The following WDR26 variants were observed in gnomAD, a reference collection of about 807,000 sequenced individuals.
The protein encoded by WDR26 is WD repeat domain 26, also known as WD repeat-containing protein 26.
A neutral mutation model predicts 84.1 loss-of-function variants in WDR26; 5 were observed. That is an observed-to-expected ratio of 0.06 (90% CI 0.03 to 0.13). The LOEUF is 0.13. Among genes scored for constraint, WDR26 ranks in the 10% least tolerant of loss-of-function variants. WDR26 has a pLI of 1.00. For synonymous variants in WDR26, 415 were observed against 389.6 expected, an observed-to-expected ratio of 1.07 and a Z score of -0.77; for missense variants, 642 against 974.9, an observed-to-expected ratio of 0.66 and a Z score of 4.55.
rs769063024 is a variant in WDR26 at position 224,427,103 on chromosome 1, C to CTAAA, written c.928-2450_928-2449insTTTA. 2.2e-5 allele frequency among the ~76,000 whole-genome samples: 2 copies of CTAAA among 91,156 alleles called. 1 individual carries two copies. Among genetic ancestry groups the CTAAA allele is most frequent in the Non-Finnish European group, 4.2e-5 (2 of 47,868 alleles). 59.8% of individuals were successfully genotyped at this position (91,156 alleles called of 152,430 possible). A position where few individuals can be genotyped will look rare whatever the true frequency, so the allele number is the denominator to read the frequency against. On this transcript the variant is annotated intron_variant, in intron 3 of 13. Coordinates refer to ENST00000414423, the MANE Select transcript of WDR26 (RefSeq NM_001379403.1). ...GGGCAACGAGAGCAAAACTCTGTCT[C>CTAAA]CAAAAAAAAAAAAAAAAAAAAAAAG...
intron 12 of WDR26, among the ~76,000 whole-genome samples, chr1:224,395,285 G>A (rs1345716170): frequency 1.3e-5 from 2 of 152,192 alleles, no homozygotes; most frequent in Admixed American, 1.3e-4. Flanking sequence ...ATTAAGTACA[G>A]GTGATGGTTC....
In WDR26 at chr1:224,385,433, C is replaced by G. The variant is rs905388910; in HGVS notation, c.*4402G>C. The G allele has an allele frequency of 6.6e-6, 1 of 152,356 alleles. No individual in the cohort carries two copies. Among genetic ancestry groups the G allele is most frequent in the African/African-American group, 2.4e-5 (1 of 41,392 alleles). The allele number at this position is 152,356 out of a possible 1,614,324, so 9.4% of individuals were successfully genotyped here. ...AATGAATAAAGCAAAGAAATTTAAA[C>G]TAAGTAAATATAATCTGAGAGGCAG... On this transcript the variant is annotated 3_prime_UTR_variant, in exon 14 of 14. Coordinates refer to ENST00000414423, the MANE Select transcript of WDR26 (RefSeq NM_001379403.1).
Position 224,389,571 on chromosome 1 carries a change from C to T in WDR26, c.*264G>A. On this transcript the variant is annotated 3_prime_UTR_variant, in exon 14 of 14. Transcript: ENST00000414423. ...TATATACTGAGTTCAATGGGTAAGC[C>T]TGAATGTAGCACAGTTCTTCACAAC... 1 of 555,770 alleles carries T rather than the reference C, an allele frequency of 1.8e-6. No homozygotes were observed. Among genetic ancestry groups the T allele is most frequent in the Non-Finnish European group, 3.1e-6 (1 of 321,120 alleles). 34.4% of individuals were successfully genotyped at this position (555,770 alleles called of 1,614,324 possible).
At chr1:224,420,799 C>A (rs1276448351) in intron 4 of WDR26, among the ~76,000 whole-genome samples, 1 of 151,980 alleles carries the variant, frequency 6.6e-6, no homozygotes, top group Non-Finnish European at 1.5e-5. Flanking sequence ...AGGGTTTCAC[C>A]ATGTTAGCCA....
Position 224,394,007 on chromosome 1 carries a change from T to C in WDR26, c.2081A>G (p.Lys694Arg). 6.6e-7 allele frequency: 1 copy of C among 1,509,362 alleles called. No homozygotes were observed. Among genetic ancestry groups the C allele is most frequent in the Non-Finnish European group, 9.0e-7 (1 of 1,108,368 alleles). The allele number at this position is 1,509,362 out of a possible 1,614,324, so 93.5% of individuals were successfully genotyped here. Residue 694 changes from lysine to arginine, a missense_variant, in exon 13 of 14, where the codon AAG becomes AGG. Lys to Arg is a conservative substitution (Grantham distance 26). Around this residue, in one of 2 missense-constraint regions of WDR26, gnomAD observed 351 missense variants for 672.8 expected, o/e 0.52. Coordinates refer to ENST00000414423, the MANE Select transcript of WDR26 (RefSeq NM_001379403.1). ...ACTACGTTTGTGCCAGATGTAAACCTTGTGATCTGAACATATAGTAATTCA... is the reference window on the plus strand; with the variant it reads ...ACTACGTTTGTGCCAGATGTAAACCCTGTGATCTGAACATATAGTAATTCA...
chr1:224,397,981 A>G, intron 12 of WDR26, 116 bp downstream of exon 12: 2 of 1,274,552 alleles, frequency 1.6e-6, no homozygotes, highest in Non-Finnish European at 1.1e-6. Flanking sequence ...GTATTGGATA[A>G]ATGAAAGAAT....
intron 4 of WDR26, among the ~76,000 whole-genome samples, chr1:224,423,126 T>C (rs1213571127): frequency 6.6e-6 from 1 of 152,244 alleles, no homozygotes; most frequent in African/African-American, 2.4e-5. Flanking sequence ...CTTGCTGAAC[T>C]TGCCTATTAG....
At chr1:224,432,384 T>C (rs1674417381) in intron 1 of WDR26, among the ~76,000 whole-genome samples, 1 of 149,546 alleles carries the variant, frequency 6.7e-6, no homozygotes, top group Non-Finnish European at 1.5e-5. Context: ...AGTAATATGT[T>C]CTGTTAGCAT....
rs912538596 is a variant in WDR26, at chr1:224,386,248, C to T, written c.*3587G>A. Reference sequence around the variant, plus strand: ...GAAATGGAAGTAATGTGTTGGAGGGCAACCCAAAAGGACAGTTGCGAAATT... The same window carrying T: ...GAAATGGAAGTAATGTGTTGGAGGGTAACCCAAAAGGACAGTTGCGAAATT... On this transcript the variant is annotated 3_prime_UTR_variant, in exon 14 of 14. Transcript: ENST00000414423. 3.3e-5 allele frequency: 5 copies of T among 152,526 alleles called. No individual in the cohort carries two copies. Among genetic ancestry groups the T allele is most frequent in the Admixed American group, 1.3e-4 (2 of 15,268 alleles). 9.4% of individuals were successfully genotyped at this position (152,526 alleles called of 1,614,324 possible).
chr1:224,428,153 C>T (rs565126750), intron 3 of WDR26, among the ~76,000 whole-genome samples: 1 of 152,260 alleles, frequency 6.6e-6, no homozygotes, highest in South Asian at 2.1e-4. Context: ...GATAGTTTCA[C>T]GTCGTAAATT....
intron 5 of WDR26, among the ~76,000 whole-genome samples, chr1:224,419,279 G>C (rs1387926305): frequency 6.6e-6 from 1 of 152,026 alleles, no homozygotes; most frequent in African/African-American, 2.4e-5. Flanking sequence ...AATCTTAAGG[G>C]GGAACATCAT....
chr1:224,430,361 ATACAC>A lies in WDR26; in HGVS notation c.927+1111_927+1115del, dbSNP rs368242947. The A allele has an allele frequency of 1.1e-4, 17 of 152,288 alleles. No homozygotes were observed. The East Asian group carries it at 2.3e-3, about 21-fold the overall frequency. 9.4% of individuals were successfully genotyped at this position (152,288 alleles called of 1,614,324 possible). Reference sequence around the variant, plus strand: ...AGTATTTAATGAAAGAATAAAAATAATACACTACATCATCAATTTAAATGAATTTG... The same window carrying A: ...AGTATTTAATGAAAGAATAAAAATAATACATCATCAATTTAAATGAATTTG... On this transcript the variant is annotated intron_variant, in intron 3 of 13. Transcript: ENST00000414423.
At chr1:224,429,026 G>A (rs1303024148) in intron 3 of WDR26, among the ~76,000 whole-genome samples, 2 of 152,112 alleles carry the variant, frequency 1.3e-5, no homozygotes, top group Non-Finnish European at 2.9e-5. Flanking sequence ...CACTTTGGAA[G>A]GCTGGGGCGG....
intron 13 of WDR26, among the ~76,000 whole-genome samples, chr1:224,390,864 T>A (rs1403245206): frequency 6.6e-6 from 1 of 152,110 alleles, no homozygotes; most frequent in Non-Finnish European, 1.5e-5. Context: ...AACAATCAAT[T>A]TTAGAACATT....
intron 7 of WDR26, among the ~76,000 whole-genome samples, chr1:224,409,903 G>A (rs529030400): frequency 1.3e-5 from 2 of 151,986 alleles, no homozygotes; most frequent in South Asian, 2.1e-4. Flanking sequence ...ATTTCCATCT[G>A]TGGCTCCCTT....
intron 4 of WDR26, among the ~76,000 whole-genome samples, chr1:224,420,395 A>C (rs1276687257): frequency 6.6e-6 from 1 of 152,210 alleles, no homozygotes; most frequent in Non-Finnish European, 1.5e-5. Context: ...TCAAACATGG[A>C]GATTAGACCT....
chr1:224,403,564 T>C (rs1310674219), intron 8 of WDR26, among the ~76,000 whole-genome samples: 1 of 152,178 alleles, frequency 6.6e-6, no homozygotes, highest in Non-Finnish European at 1.5e-5. Context: ...TTCTAAAACA[T>C]GAACTGTAAA....
chr1:224,415,449 CTTTCTT>C (rs1673867992), intron 6 of WDR26, among the ~76,000 whole-genome samples: 4 of 102,724 alleles, frequency 3.9e-5, no homozygotes, highest in South Asian at 2.9e-4. Flanking sequence ...ACACGTATTT[CTTTCTT>C]TTTTTTTTTT....
Position 224,402,392 on chromosome 1 carries a change from A to G in WDR26, c.1600-1323T>C, listed in dbSNP as rs142000070. 4.1e-3 allele frequency among the ~76,000 whole-genome samples: 623 copies of G among 152,332 alleles called. 5 individuals are homozygous for G. The highest frequency in any genetic ancestry group is 9.1e-3 in the Admixed American group (139 of 15,304). On this transcript the variant is annotated intron_variant, in intron 8 of 13. Transcript: ENST00000414423. ...ATTTTCCATTGACAAATACATTAAC[A>G]CACTAAATTCTGAAGGCAGAAATGG...
Sources: allele counts gnomAD v4.1 joint callset (sites outside exome capture counted in the v4.1 genomes callset), GRCh38; gene constraint gnomAD v4.1.1; regional missense constraint gnomAD v4.1.1; transcripts MANE v1.5; gene names NCBI Gene and HGNC (gene_info 2026-07-23, HGNC 2026-07-21).